Variants in ADGRL3 observed in about 807,000 individuals in gnomAD.
ADGRL3 encodes calcium-independent alpha-latrotoxin receptor 3.
Under a neutral mutation model 153.5 loss-of-function variants are expected in ADGRL3, and 62 were observed. The ratio of observed to expected loss-of-function variants is 0.40; its 90% CI spans 0.33 to 0.50. The LOEUF (loss-of-function observed/expected upper bound fraction) is 0.50, where lower values mean the gene tolerates loss of function less well. ADGRL3 is among the 20% of genes least tolerant of loss of function. The probability of loss-of-function intolerance (pLI) is 0.47; values close to 1 mark genes in which losing one functional copy is unlikely to be tolerated. For synonymous variants in ADGRL3, 710 were observed against 672.5 expected, an observed-to-expected ratio of 1.06 and a Z score of -0.86; for missense variants, 1,641 against 1,859.4, an observed-to-expected ratio of 0.88 and a Z score of 2.16.
chr4:61,737,275 T>A (rs189457297), intron 8 of ADGRL3, among the ~76,000 whole-genome samples: 1 of 152,336 alleles, frequency 6.6e-6, no homozygotes. Context: ...TGATTTTAAC[T>A]GTATTCCAAT....
At chr4:61,350,901 A>G (rs1338163175) in intron 1 of ADGRL3, among the ~76,000 whole-genome samples, 2 of 152,130 alleles carry the variant, frequency 1.3e-5, no homozygotes, top group Admixed American at 6.6e-5. Context: ...TAACCCTACA[A>G]TGACCTCTAA....
At position 61,662,081 on chromosome 4, in the gene ADGRL3, C is replaced by T. The variant is rs958486067; in HGVS notation, c.474-14745C>T. On this transcript the variant is annotated intron_variant, in intron 5 of 26. Coordinates refer to ENST00000683033, the MANE Select transcript of ADGRL3 (RefSeq NM_001387552.1). ...CCAGCTACAGTCGGGGAGGCAAGGC[C>T]AGGGCTGTGCTCCACAGAGCTGGCA... 4.6e-5 allele frequency among the ~76,000 whole-genome samples: 7 copies of T among 152,206 alleles called. No individual in the cohort carries two copies. The East Asian group carries it at 1.3e-3, about 29-fold the overall frequency.
chr4:61,651,303 A>G (rs1012193113), intron 5 of ADGRL3, among the ~76,000 whole-genome samples: 2 of 152,216 alleles, frequency 1.3e-5, no homozygotes, highest in Non-Finnish European at 2.9e-5. Flanking sequence ...CACCATAAAT[A>G]TAAGTCTTTC....
At chr4:61,516,809 A>G (rs2098498412) in intron 3 of ADGRL3, among the ~76,000 whole-genome samples, 1 of 152,110 alleles carries the variant, frequency 6.6e-6, no homozygotes, top group African/African-American at 2.4e-5. Flanking sequence ...TATAAGTGTA[A>G]CCATACATCA....
At chr4:61,548,304 TTTG>T (rs962160739) in intron 4 of ADGRL3, among the ~76,000 whole-genome samples, 7 of 152,106 alleles carry the variant, frequency 4.6e-5, no homozygotes, top group African/African-American at 7.2e-5. Flanking sequence ...TTTGTCAATT[TTTG>T]TTGTTGTTGC....
intron 1 of ADGRL3, among the ~76,000 whole-genome samples, chr4:61,323,665 A>G (rs750007870): frequency 2.0e-5 from 3 of 152,158 alleles, no homozygotes; most frequent in Non-Finnish European, 4.4e-5. Flanking sequence ...TCTCCATCTG[A>G]GACCACCTCA....
intron 2 of ADGRL3, among the ~76,000 whole-genome samples, chr4:61,407,412 T>G (rs1048614289): frequency 6.6e-6 from 1 of 152,136 alleles, no homozygotes; most frequent in African/African-American, 2.4e-5. Context: ...TCTGAAAGTA[T>G]AATACAATAA....
At chr4:62,069,546 T>C (rs1163822640) in intron 26 of ADGRL3, among the ~76,000 whole-genome samples, 2 of 152,020 alleles carry the variant, frequency 1.3e-5, no homozygotes, top group Non-Finnish European at 2.9e-5. Context: ...TGTGGTTTTG[T>C]ATGAAGGGAT....
At chr4:61,466,919 A>G (rs2097891652) in intron 2 of ADGRL3, among the ~76,000 whole-genome samples, 1 of 152,142 alleles carries the variant, frequency 6.6e-6, no homozygotes, top group Admixed American at 6.6e-5. Flanking sequence ...AACTATTGTT[A>G]AGATTTAATG....
intron 2 of ADGRL3, among the ~76,000 whole-genome samples, chr4:61,467,988 G>C (rs914422407): frequency 6.6e-6 from 1 of 152,062 alleles, no homozygotes; most frequent in Non-Finnish European, 1.5e-5. Flanking sequence ...TTGTGTGCTA[G>C]GGTAGCAATA....
intron 17 of ADGRL3, among the ~76,000 whole-genome samples, chr4:61,956,830 A>G (rs561126916): frequency 9.2e-5 from 14 of 152,254 alleles, no homozygotes; most frequent in African/African-American, 3.4e-4. Flanking sequence ...CAGGTTTGTC[A>G]AAGGTCTGAA....
At chr4:61,665,095 G>A (rs2094739154) in intron 5 of ADGRL3, among the ~76,000 whole-genome samples, 2 of 152,186 alleles carry the variant, frequency 1.3e-5, no homozygotes, top group African/African-American at 4.8e-5. Context: ...AATGATTTAT[G>A]TGTAGAATAT....
intron 8 of ADGRL3, among the ~76,000 whole-genome samples, chr4:61,760,658 A>G (rs1048152518): frequency 6.6e-6 from 1 of 152,142 alleles, no homozygotes; most frequent in African/African-American, 2.4e-5. Flanking sequence ...CGCTGCACCC[A>G]CTGTCCTGCA....
At chr4:61,405,296 AATTAGT>A (rs1424957992) in intron 2 of ADGRL3, among the ~76,000 whole-genome samples, 1 of 152,064 alleles carries the variant, frequency 6.6e-6, no homozygotes, top group African/African-American at 2.4e-5. Context: ...ATGTGTGTGT[AATTAGT>A]ATTATAGTAA....
At chr4:62,047,702 C>T (rs1226824813) in intron 25 of ADGRL3, among the ~76,000 whole-genome samples, 7 of 152,090 alleles carry the variant, frequency 4.6e-5, no homozygotes, top group Non-Finnish European at 7.4e-5. Flanking sequence ...TAAAATCTTT[C>T]ATTAAAATTG....
chr4:61,753,345 C>T (rs2152078870), intron 8 of ADGRL3, among the ~76,000 whole-genome samples: 1 of 152,150 alleles, frequency 6.6e-6, no homozygotes, highest in South Asian at 2.1e-4. Context: ...CTCAAAGTGT[C>T]TTTAGATGAT....
chr4:61,873,425 T>C (rs905626371), intron 9 of ADGRL3, among the ~76,000 whole-genome samples: 1 of 152,226 alleles, frequency 6.6e-6, no homozygotes, highest in African/African-American at 2.4e-5. Flanking sequence ...CCTGATATGT[T>C]GTTACGCATG....
At chr4:61,939,963 G>A in intron 15 of ADGRL3, among the ~76,000 whole-genome samples, 1 of 149,158 alleles carries the variant, frequency 6.7e-6, no homozygotes, top group African/African-American at 2.5e-5. Flanking sequence ...AAGTTTTAGG[G>A]TACATGTGCA....
intron 4 of ADGRL3, among the ~76,000 whole-genome samples, chr4:61,519,257 A>G (rs2098515882): frequency 6.6e-6 from 1 of 152,216 alleles, no homozygotes. Flanking sequence ...ATTTTTCTAT[A>G]TCACTAGATT....
Sources: gnomAD v4.1 joint callset for allele counts (sites outside exome capture counted in the v4.1 genomes callset) on GRCh38, gnomAD v4.1.1 for gene constraint, MANE v1.5 for transcripts, NCBI Gene and HGNC (gene_info 2026-07-23, HGNC 2026-07-21) for gene names.